The following ATAT1 variants were observed in gnomAD, a reference collection of about 807,000 sequenced individuals.
ATAT1 encodes the protein alpha-tubulin N-acetyltransferase 1.
ATAT1 carries 42 observed loss-of-function variants against 57.2 expected under a neutral mutation model. The ratio of observed to expected loss-of-function variants is 0.73; its 90% CI spans 0.57 to 0.95. The LOEUF is 0.95. ATAT1 is among the 40% of genes least tolerant of loss of function. The probability of loss-of-function intolerance (pLI) is 0.00; values close to 1 mark genes in which losing one functional copy is unlikely to be tolerated. For missense variants in ATAT1, 454 were observed against 523.7 expected, an observed-to-expected ratio of 0.87 and a Z score of 1.30; for synonymous variants, 168 against 187.1, an observed-to-expected ratio of 0.90 and a Z score of 0.83.
intron 6 of ATAT1, among the ~76,000 whole-genome samples, chr6:30,631,315 C>A (rs1408999377): frequency 6.6e-6 from 1 of 151,784 alleles, no homozygotes; most frequent in Non-Finnish European, 1.5e-5. Context: ...AACCCTGTCT[C>A]CACTAAAAAA....
intron 2 of ATAT1, 57 bp from the exon 3 acceptor site, chr6:30,627,579 G>A: frequency 6.2e-7 from 1 of 1,606,898 alleles, no homozygotes; most frequent in Non-Finnish European, 8.5e-7. Flanking sequence ...GGTATATAAG[G>A]GAGGCCTGGG....
At position 30,640,521 on chromosome 6, in the gene ATAT1, T is replaced by C; in HGVS notation, c.548-14T>C. ...ACCCCTCACTGAGGGGCCCCGCCGC[T>C]TCCTTCCTCACAGGGCCCCCTGCTC... On this transcript the variant is annotated splice_polypyrimidine_tract_variant and intron_variant, in intron 7 of 12. Coordinates refer to ENST00000330083, the MANE Select transcript of ATAT1 (RefSeq NM_001031722.4). 6.2e-7 allele frequency: 1 copy of C among 1,612,964 alleles called. No homozygotes were observed. The highest frequency in any genetic ancestry group is 8.5e-7 in the Non-Finnish European group (1 of 1,179,994).
chr6:30,641,921 C>T, intron 8 of ATAT1: 2 of 1,313,132 alleles, frequency 1.5e-6, no homozygotes, highest in South Asian at 1.9e-5. Context: ...CCCAGGCCCC[C>T]AGAGTCTCCC....
At chr6:30,637,466 G>A (rs534105912) in intron 6 of ATAT1, among the ~76,000 whole-genome samples, 15 of 151,828 alleles carry the variant, frequency 9.9e-5, no homozygotes, top group African/African-American at 1.4e-4. Context: ...TACCTCCTAG[G>A]CTCAAGAGAT....
intron 10 of ATAT1, chr6:30,643,815 T>G: frequency 1.4e-5 from 18 of 1,330,976 alleles, no homozygotes; most frequent in Non-Finnish European, 1.7e-5. Context: ...CAACAGGAAG[T>G]CTGATCTGTT....
In ATAT1 at chr6:30,627,173, C is replaced by T; in HGVS notation, c.-31C>T. Reference sequence around the variant, plus strand: ...ATCAGCGCTTGGATCTGTGACCTTTCACCCCGGGCCCAAAATGTCCCAATC... The same window carrying T: ...ATCAGCGCTTGGATCTGTGACCTTTTACCCCGGGCCCAAAATGTCCCAATC... On this transcript the variant is annotated 5_prime_UTR_variant, in exon 1 of 13. Transcript: ENST00000330083. The T allele has an allele frequency of 6.2e-7, 1 of 1,613,466 alleles. No homozygotes were observed. Among genetic ancestry groups the T allele is most frequent in the Non-Finnish European group, 8.5e-7 (1 of 1,179,638 alleles).
At chr6:30,642,018 T>G (rs1765553961) in intron 8 of ATAT1, 158 bp from the exon 9 acceptor site, 21 of 1,508,960 alleles carry the variant, frequency 1.4e-5, no homozygotes, top group Non-Finnish European at 1.8e-5. Flanking sequence ...AATTCCCTTT[T>G]GGTGTGCTGG....
At chr6:30,629,298 C>A (rs1349766191) in intron 6 of ATAT1, among the ~76,000 whole-genome samples, 1 of 149,978 alleles carries the variant, frequency 6.7e-6, no homozygotes, top group African/African-American at 2.5e-5. Flanking sequence ...GGCTGGATTG[C>A]AGTGGCACGA....
intron 6 of ATAT1, among the ~76,000 whole-genome samples, chr6:30,629,691 C>T (rs1486232978): frequency 6.6e-6 from 1 of 152,108 alleles, no homozygotes; most frequent in African/African-American, 2.4e-5. Context: ...ACTACAGGTG[C>T]CCACCACCAT....
rs752001883 is a variant in ATAT1 at position 30,642,942 on chromosome 6, C to T, written c.863C>T (p.Pro288Leu). The T allele has an allele frequency of 1.9e-6, 3 of 1,613,878 alleles. No homozygotes were observed. Among genetic ancestry groups the T allele is most frequent in the African/African-American group, 1.3e-5 (1 of 74,886 alleles). Residue 288 changes from proline (P) to leucine (L), a missense_variant, in exon 10 of 13, where the codon CCA becomes CTA. This residue lies in a region of ATAT1 where 216 missense variants were observed against 222.2 expected (regional missense o/e 0.97). Transcript: ENST00000330083. ...CTGCGTTCCTTGCGCCTCTGCCCCC[C>T]ACACCCTACCGCCCGCCTTCTGTTG...
chr6:30,633,122 C>T (rs114330342), intron 6 of ATAT1, among the ~76,000 whole-genome samples: 4,500 of 152,236 alleles, frequency 0.03, 118 homozygotes, highest in African/African-American at 0.067. Context: ...GATTTCCTGA[C>T]AGATTGTATG....
intron 5 of ATAT1, 49 bp downstream of exon 5, chr6:30,628,194 C>T (rs781526937): frequency 6.4e-7 from 1 of 1,564,326 alleles, no homozygotes; most frequent in Non-Finnish European, 8.8e-7. Flanking sequence ...GCTCCTTTGC[C>T]CTGAGCCCTT....
At chr6:30,634,495 T>A (rs1026583026) in intron 6 of ATAT1, among the ~76,000 whole-genome samples, 1 of 150,836 alleles carries the variant, frequency 6.6e-6, no homozygotes, top group African/African-American at 2.4e-5. Flanking sequence ...GTGATCCACC[T>A]ACCTCGGCCT....
At chr6:30,643,254 T>C in intron 10 of ATAT1, 2 of 1,421,564 alleles carry the variant, frequency 1.4e-6, no homozygotes, top group Non-Finnish European at 1.8e-6. Flanking sequence ...TTATGTGGAA[T>C]GGTAGGAAGA....
chr6:30,629,560 T>C (rs2517564), intron 6 of ATAT1, among the ~76,000 whole-genome samples: 3,856 of 151,446 alleles, frequency 0.025, 65 homozygotes, highest in Admixed American at 0.045. Context: ...GCCTAATTTT[T>C]TTTTGAGACA....
rs190651499 is a variant in ATAT1, at chr6:30,636,594, T to A, written c.502-3783T>A. On this transcript the variant is annotated intron_variant, in intron 6 of 12. Coordinates refer to ENST00000330083, the MANE Select transcript of ATAT1 (RefSeq NM_001031722.4). ...GAGCAAGACACTGTCTCAAAAAAAA[T>A]AAATAAATAAATAAAAATAAACCAC... is the stretch of plus-strand genomic sequence containing the variant. 8.5e-3 allele frequency among the ~76,000 whole-genome samples: 1,274 copies of A among 150,610 alleles called. 14 individuals carry two copies. Among genetic ancestry groups the A allele is most frequent in the African/African-American group, 0.026 (1,062 of 40,946 alleles).
chr6:30,629,961 TC>T (rs1762503352), intron 6 of ATAT1, among the ~76,000 whole-genome samples: 1 of 152,186 alleles, frequency 6.6e-6, no homozygotes, highest in African/African-American at 2.4e-5. Context: ...TAATATGCAT[TC>T]CCTGTCCTCA....
In ATAT1 at chr6:30,642,246, A is replaced by G; in HGVS notation, c.687A>G (p.Glu229=). ...AGCCATACTCCTCTAGTGACCGAGA[A>G]TGTAAGAGGGGCAAGGGTCGGGTGT... Residue 229 remains glutamate (E), a splice_region_variant and synonymous_variant, in exon 9 of 13, where the codon GAA becomes GAG. Coordinates refer to ENST00000330083, the MANE Select transcript of ATAT1 (RefSeq NM_001031722.4). The G allele has an allele frequency of 6.2e-7, 1 of 1,614,096 alleles. No individual in the cohort carries two copies. The highest frequency in any genetic ancestry group is 8.5e-7 in the Non-Finnish European group (1 of 1,179,992).
At chr6:30,633,716 G>T in intron 6 of ATAT1, 1 of 213,296 alleles carries the variant, frequency 4.7e-6, no homozygotes, top group Admixed American at 5.2e-5. Flanking sequence ...GAAAGTGGAA[G>T]AGACGCCCAT....
Sources: gnomAD v4.1 joint callset for allele counts (sites outside exome capture counted in the v4.1 genomes callset) on GRCh38, gnomAD v4.1.1 for gene constraint, gnomAD v4.1.1 regional missense constraint, MANE v1.5 for transcripts, NCBI Gene and HGNC (gene_info 2026-07-23, HGNC 2026-07-21) for gene names.